CUBN: variants seen among roughly 807,000 people sequenced by gnomAD.
CUBN encodes the protein cubilin.
A neutral mutation model predicts 405.3 loss-of-function variants in CUBN; 282 were observed. That is an observed-to-expected ratio of 0.70 (90% CI 0.63 to 0.77). The LOEUF is 0.77. Ranked by LOEUF, CUBN falls within the 30% of genes least tolerant of loss-of-function variation. CUBN has a pLI of 0.00. For missense variants in CUBN, 4,514 were observed against 4,475.2 expected (o/e 1.01, Z -0.25); for synonymous variants, 1,684 against 1,617.0 (o/e 1.04, Z -0.99).
intron 10 of CUBN, among the ~76,000 whole-genome samples, chr10:17,108,450 T>C (rs1218906463): frequency 6.6e-6 from 1 of 152,004 alleles, no homozygotes; most frequent in Non-Finnish European, 1.5e-5. Context: ...TGCAAGTATA[T>C]GACAAATTAA....
At chr10:17,012,350 TG>T (rs1460530455) in intron 28 of CUBN, among the ~76,000 whole-genome samples, 2 of 152,212 alleles carry the variant, frequency 1.3e-5, no homozygotes, top group Non-Finnish European at 2.9e-5. Flanking sequence ...AAATGCTGCG[TG>T]GCATCTCGTA....
At chr10:16,929,443 A>C (rs1406067807) in intron 40 of CUBN, among the ~76,000 whole-genome samples, 2 of 152,222 alleles carry the variant, frequency 1.3e-5, no homozygotes, top group African/African-American at 4.8e-5. Context: ...TTTATAAAAA[A>C]CAAAAATAGA....
chr10:16,952,247 G>A (rs1445272679), intron 33 of CUBN, 29 bp downstream of exon 33: 1 of 1,499,078 alleles, frequency 6.7e-7, no homozygotes, highest in Non-Finnish European at 9.3e-7. Flanking sequence ...TCTCCTGTGT[G>A]CCTTTTCTTT....
Position 17,068,140 on chromosome 10 carries a change from G to T in CUBN, c.2932C>A (p.His978Asn), listed in dbSNP as rs369981313. 145 of 1,613,558 alleles carry T rather than the reference G, an allele frequency of 9.0e-5. 4 individuals are homozygous for T. The highest frequency in any genetic ancestry group is 8.7e-4 in the East Asian group (39 of 44,862). Residue 978 changes from histidine (H) to asparagine (N), a missense_variant, in exon 21 of 67, where the codon CAT (histidine) becomes AAT (asparagine). By Grantham distance (68) the His-to-Asn change is moderately conservative. Around this residue, in one of 5 missense-constraint regions of CUBN, gnomAD observed 1,448 missense variants for 1,388.0 expected, o/e 1.04. Coordinates refer to ENST00000377833, the MANE Select transcript of CUBN (RefSeq NM_001081.4). ...HLIHLMFETF[H>N]LEFHYNCTND... ...GTGCAATTGTAATGAAACTCCAGATGAAATGTTTCGAACATTAAATGAATC... is the reference window on the plus strand; with the variant it reads ...GTGCAATTGTAATGAAACTCCAGATTAAATGTTTCGAACATTAAATGAATC...
In CUBN at chr10:16,936,465, T is replaced by C. The variant is rs115635663; in HGVS notation, c.5926+1127A>G. 6.0e-3 allele frequency among the ~76,000 whole-genome samples: 916 copies of C among 152,314 alleles called. 12 individuals carry two copies. Among genetic ancestry groups the C allele is most frequent in the African/African-American group, 0.021 (893 of 41,570 alleles). On this transcript the variant is annotated intron_variant, in intron 39 of 66. Coordinates refer to ENST00000377833, the MANE Select transcript of CUBN (RefSeq NM_001081.4). The stretch of plus-strand genomic sequence containing the variant: ...TTCAGAATGGAATACTAAGGGACAT[T>C]AAATAAATATAAGTACAAATTATCT...
intron 17 of CUBN, among the ~76,000 whole-genome samples, chr10:17,079,213 A>C (rs1017517256): frequency 4.0e-5 from 6 of 150,714 alleles, no homozygotes; most frequent in African/African-American, 1.2e-4. Context: ...CCCTAAATCC[A>C]ATATGCTCAA....
intron 16 of CUBN, 23 bp downstream of exon 16, chr10:17,085,574 C>G (rs774758697): frequency 6.2e-7 from 1 of 1,610,768 alleles, no homozygotes; most frequent in Non-Finnish European, 8.5e-7. Flanking sequence ...CCCTCTTAAG[C>G]CCCCAACTGG....
chr10:17,052,048 G>GT (rs1835281782), intron 22 of CUBN, among the ~76,000 whole-genome samples: 1 of 147,000 alleles, frequency 6.8e-6, no homozygotes, highest in Non-Finnish European at 1.5e-5. Flanking sequence ...GCCAGTTGGG[G>GT]CGGGGGGGAA....
intron 58 of CUBN, among the ~76,000 whole-genome samples, chr10:16,872,271 T>C (rs10904828): frequency 0.03 from 4,613 of 151,626 alleles, 375 homozygotes; most frequent in East Asian, 0.17. Flanking sequence ...AAAATAAACA[T>C]GCAGATGTAA....
intron 6 of CUBN, 92 bp downstream of exon 6, chr10:17,122,703 A>G: frequency 1.3e-6 from 1 of 781,646 alleles, no homozygotes; most frequent in Non-Finnish European, 2.2e-6. Context: ...TTGGTGGAAT[A>G]CAGATAGTTA....
In CUBN at chr10:16,890,469, A is replaced by T. The variant is rs1840972056; in HGVS notation, c.8657T>A (p.Val2886Glu). The change falls in exon 55 of 67, where the codon GTG (valine) becomes GAG (glutamate). Residue 2886 changes from valine (V) to glutamate (E), a missense_variant. By Grantham distance (121) the Val-to-Glu change is moderately radical. Around this residue, in one of 5 missense-constraint regions of CUBN, gnomAD observed 1,186 missense variants for 1,186.9 expected, o/e 1.00. Transcript: ENST00000377833. ...KALLATGCGNVAPGPVITPSN... is the reference protein window; with the variant it reads ...KALLATGCGNEAPGPVITPSN... ...TGGTGTGATAACGGGACCCGGAGCC[A>T]CGTTCCCACAGCCAGTGGCTAGCAG... The T allele has an allele frequency of 1.9e-6, 3 of 1,614,072 alleles. No individual in the cohort carries two copies. The South Asian group carries it at 3.3e-5, about 18-fold the overall frequency.
intron 60 of CUBN, among the ~76,000 whole-genome samples, chr10:16,841,799 T>C (rs1452747182): frequency 1.3e-5 from 2 of 150,208 alleles, no homozygotes; most frequent in African/African-American, 4.9e-5. Context: ...TGTAATCCCA[T>C]ATACTTGGGA....
At chr10:17,081,724 A>G (rs1835973798) in intron 17 of CUBN, among the ~76,000 whole-genome samples, 2 of 152,188 alleles carry the variant, frequency 1.3e-5, no homozygotes, top group African/African-American at 4.8e-5. Context: ...AGCTTTAACC[A>G]AAGTCAATGT....
intron 39 of CUBN, among the ~76,000 whole-genome samples, chr10:16,933,777 G>A (rs746115196): frequency 3.9e-5 from 6 of 152,068 alleles, no homozygotes; most frequent in Middle Eastern, 3.4e-3. Flanking sequence ...GAAACATGTC[G>A]GAGCTTTTCA....
chr10:17,055,651 G>A (rs1010988922), intron 22 of CUBN, among the ~76,000 whole-genome samples: 1 of 151,920 alleles, frequency 6.6e-6, no homozygotes, highest in Non-Finnish European at 1.5e-5. Context: ...TTTTAAAATA[G>A]CATATATAAT....
In CUBN at chr10:16,851,908, CTA is replaced by C. The variant is rs377539328; in HGVS notation, c.9455-467_9455-466del. ...TCCCTCCATCTTTCCCTCCCTGACT[CTA>C]TCTTTCCCTCCCTCCCTCTATCTTT... is the stretch of plus-strand genomic sequence containing the variant. On this transcript the variant is annotated intron_variant, in intron 59 of 66. Coordinates refer to ENST00000377833, the MANE Select transcript of CUBN (RefSeq NM_001081.4). 1.4e-3 allele frequency among the ~76,000 whole-genome samples: 182 copies of C among 130,316 alleles called. 3 individuals carry two copies. The highest frequency in any genetic ancestry group is 5.0e-3 in the African/African-American group (166 of 33,290). 85.5% of individuals were successfully genotyped at this position (130,316 alleles called of 152,430 possible).
chr10:17,038,118 G>A (rs368204854), intron 27 of CUBN, among the ~76,000 whole-genome samples: 1 of 151,840 alleles, frequency 6.6e-6, no homozygotes, highest in East Asian at 1.9e-4. Context: ...TCACCTCTTA[G>A]TGTTCCTACT....
At position 16,987,830 on chromosome 10, in the gene CUBN, T is replaced by C. The variant is rs570374277; in HGVS notation, c.4350+2504A>G. Among the ~76,000 whole-genome samples the C allele has an allele frequency of 3.3e-5, 5 of 152,336 alleles. No individual in the cohort carries two copies. The East Asian group carries it at 7.7e-4, about 23-fold the overall frequency. ...TTGCAGAAAAGCAAAACAAGGCTTT[T>C]GAACAAAATGTCAGAGGGTTGCTCC... On this transcript the variant is annotated intron_variant, in intron 29 of 66. Coordinates refer to ENST00000377833, the MANE Select transcript of CUBN (RefSeq NM_001081.4).
intron 28 of CUBN, among the ~76,000 whole-genome samples, chr10:17,001,007 G>T (rs1833863183): frequency 6.6e-6 from 1 of 152,162 alleles, no homozygotes; most frequent in Admixed American, 6.5e-5. Context: ...CAAATGTTCA[G>T]ATGTGTCCGG....
Sources: gnomAD v4.1 joint callset for allele counts (sites outside exome capture counted in the v4.1 genomes callset) on GRCh38, gnomAD v4.1.1 for gene constraint, gnomAD v4.1.1 regional missense constraint, MANE v1.5 for transcripts, NCBI Gene and HGNC (gene_info 2026-07-23, HGNC 2026-07-21) for gene names.